CDH8: variants seen among roughly 807,000 people sequenced by gnomAD.
CDH8 encodes the protein cadherin 8.
In CDH8, 17 loss-of-function variants were observed where a neutral mutation model predicts 68.1. That is an observed-to-expected ratio of 0.25 (90% CI 0.17 to 0.37). CDH8 has a LOEUF of 0.37. CDH8 is among the 10% of genes least tolerant of loss of function. The probability of loss-of-function intolerance (pLI) is 1.00; values close to 1 mark genes in which losing one functional copy is unlikely to be tolerated. For missense variants in CDH8, 763 were observed against 999.3 expected, an observed-to-expected ratio of 0.76 and a Z score of 3.19; for synonymous variants, 372 against 365.1, an observed-to-expected ratio of 1.02 and a Z score of -0.21.
At chr16:61,727,022 T>C in intron 9 of CDH8, 72 bp downstream of exon 9, 1 of 1,478,520 alleles carries the variant, frequency 6.8e-7, no homozygotes, top group Non-Finnish European at 9.4e-7. Flanking sequence ...ATGCACAATA[T>C]AATGCAGGTT....
chr16:62,025,388 A>G (rs977602990), intron 1 of CDH8, among the ~76,000 whole-genome samples: 2 of 146,724 alleles, frequency 1.4e-5, no homozygotes, highest in Non-Finnish European at 3.0e-5. Flanking sequence ...AGAGAAGAGC[A>G]TGTTTGATTT....
At chr16:61,769,259 G>C (rs1394379073) in intron 8 of CDH8, among the ~76,000 whole-genome samples, 1 of 151,750 alleles carries the variant, frequency 6.6e-6, no homozygotes, top group Non-Finnish European at 1.5e-5. Context: ...GAATATTATG[G>C]TCTTAAAGAA....
chr16:61,664,158 T>C (rs1963622850), intron 10 of CDH8, among the ~76,000 whole-genome samples: 1 of 151,918 alleles, frequency 6.6e-6, no homozygotes, highest in Non-Finnish European at 1.5e-5. Context: ...ATAATTTGAA[T>C]TGTGAAGATG....
At chr16:61,691,043 G>T (rs1397429434) in intron 10 of CDH8, among the ~76,000 whole-genome samples, 1 of 151,968 alleles carries the variant, frequency 6.6e-6, no homozygotes, top group Non-Finnish European at 1.5e-5. Context: ...TGGCTGTCTA[G>T]CCAAGCTGCT....
At chr16:61,671,463 TAAAA>T (rs35642686) in intron 10 of CDH8, among the ~76,000 whole-genome samples, 1 of 129,622 alleles carries the variant, frequency 7.7e-6, no homozygotes, top group Non-Finnish European at 1.7e-5. Flanking sequence ...AAATAGCTGC[TAAAA>T]AAAAAAAAAA....
intron 8 of CDH8, among the ~76,000 whole-genome samples, chr16:61,728,654 A>G (rs1243162202): frequency 6.6e-6 from 1 of 151,196 alleles, no homozygotes; most frequent in African/African-American, 2.4e-5. Context: ...TCCTTTATCT[A>G]TTCAACAAAA....
intron 2 of CDH8, among the ~76,000 whole-genome samples, chr16:62,013,399 T>G (rs1405636989): frequency 6.6e-6 from 1 of 151,738 alleles, no homozygotes; most frequent in Non-Finnish European, 1.5e-5. Context: ...TATGGGTGTA[T>G]GGGTGAGCAG....
At position 61,672,612 on chromosome 16, in the gene CDH8, A is replaced by T. The variant is rs192275216; in HGVS notation, c.1655-16891T>A. ...AGTTATTATTACCATATGCAAGATTATCAGTTATCTCAGCTTTGAAACAAA... is the reference window on the plus strand; with the variant it reads ...AGTTATTATTACCATATGCAAGATTTTCAGTTATCTCAGCTTTGAAACAAA... On this transcript the variant is annotated intron_variant, in intron 10 of 11. Transcript: ENST00000577390. Among the ~76,000 whole-genome samples the T allele has an allele frequency of 3.4e-3, 512 of 152,186 alleles. 6 individuals carry two copies. Among genetic ancestry groups the T allele is most frequent in the African/African-American group, 0.012 (493 of 41,538 alleles).
chr16:61,734,839 G>A (rs1959631987), intron 8 of CDH8, among the ~76,000 whole-genome samples: 1 of 151,572 alleles, frequency 6.6e-6, no homozygotes, highest in Non-Finnish European at 1.5e-5. Flanking sequence ...AGTTTCCTAG[G>A]GCTGCCATGA....
chr16:61,891,287 A>G (rs937956946), intron 3 of CDH8, among the ~76,000 whole-genome samples: 2 of 152,142 alleles, frequency 1.3e-5, no homozygotes, highest in Non-Finnish European at 2.9e-5. Flanking sequence ...GCAAATGTTA[A>G]AACAAAATCC....
At chr16:61,681,386 C>A (rs1335309852) in intron 10 of CDH8, among the ~76,000 whole-genome samples, 1 of 151,806 alleles carries the variant, frequency 6.6e-6, no homozygotes, top group Non-Finnish European at 1.5e-5. Context: ...CTTGAATGAG[C>A]CTCAAACTCA....
At chr16:62,035,600 G>GA (rs1428653043) in intron 1 of CDH8, among the ~76,000 whole-genome samples, 69 of 152,304 alleles carry the variant, frequency 4.5e-4, no homozygotes, top group African/African-American at 1.6e-3. Context: ...AGGCGGTGCA[G>GA]AAAACCAGCC....
intron 2 of CDH8, among the ~76,000 whole-genome samples, chr16:61,972,188 C>A (rs1965350920): frequency 6.6e-6 from 1 of 152,126 alleles, no homozygotes; most frequent in South Asian, 2.1e-4. Flanking sequence ...TTGCCTGCCA[C>A]CATGTAAGAT....
At position 61,936,669 on chromosome 16, in the gene CDH8, C is replaced by T. The variant is rs763251891; in HGVS notation, c.253-35196G>A. On this transcript the variant is annotated intron_variant, in intron 2 of 11. Transcript: ENST00000577390. ...AAAAAACCTGAAGTCTTCTGTCTTG[C>T]TGAATGGGATATGCAAGTATGGGGG... 5.3e-4 allele frequency among the ~76,000 whole-genome samples: 81 copies of T among 152,210 alleles called. 1 individual carries two copies. The highest frequency in any genetic ancestry group is 2.5e-3 in the South Asian group (12 of 4,820).
At chr16:61,811,066 A>T (rs904767803) in intron 7 of CDH8, among the ~76,000 whole-genome samples, 4 of 151,522 alleles carry the variant, frequency 2.6e-5, no homozygotes, top group African/African-American at 9.7e-5. Flanking sequence ...GATAACTGTG[A>T]AGGGCTTTGG....
intron 10 of CDH8, among the ~76,000 whole-genome samples, chr16:61,677,333 C>G (rs930221073): frequency 6.6e-6 from 1 of 151,324 alleles, no homozygotes; most frequent in African/African-American, 2.4e-5. Flanking sequence ...CTTTTCCTTA[C>G]TGGCATCTTT....
intron 10 of CDH8, among the ~76,000 whole-genome samples, chr16:61,676,166 G>A (rs1454467787): frequency 1.2e-4 from 18 of 146,646 alleles, no homozygotes; most frequent in Non-Finnish European, 2.4e-4. Flanking sequence ...AAACCACAAC[G>A]TTTTGCTTGG....
intron 9 of CDH8, among the ~76,000 whole-genome samples, chr16:61,719,551 A>C (rs1439938714): frequency 6.6e-6 from 1 of 151,084 alleles, no homozygotes; most frequent in East Asian, 1.9e-4. Context: ...AAACCACTCC[A>C]TCTCTTACCC....
intron 2 of CDH8, among the ~76,000 whole-genome samples, chr16:61,990,004 C>T (rs183675546): frequency 1.3e-5 from 2 of 152,264 alleles, no homozygotes; most frequent in Admixed American, 1.3e-4. Context: ...AAGAATAAGT[C>T]CAATTCCTGT....
Sources: gnomAD v4.1 joint callset for allele counts (sites outside exome capture counted in the v4.1 genomes callset) on GRCh38, gnomAD v4.1.1 for gene constraint, MANE v1.5 for transcripts, NCBI Gene and HGNC (gene_info 2026-07-23, HGNC 2026-07-21) for gene names.